The following INPP4B variants were observed in gnomAD, a reference collection of about 807,000 sequenced individuals.
INPP4B encodes inositol polyphosphate-4-phosphatase type II B.
In INPP4B, 55 loss-of-function variants were observed where a neutral mutation model predicts 122.5. That is an observed-to-expected ratio of 0.45 (90% CI 0.36 to 0.56). The LOEUF (loss-of-function observed/expected upper bound fraction) is 0.56, where lower values mean the gene tolerates loss of function less well. INPP4B is among the 20% of genes least tolerant of loss of function. INPP4B has a pLI of 0.00. For missense variants in INPP4B, 1,000 were observed against 1,097.7 expected (o/e 0.91, Z 1.26); for synonymous variants, 403 against 388.7 (o/e 1.04, Z -0.43).
intron 2 of INPP4B, among the ~76,000 whole-genome samples, chr4:142,663,370 AATTTC>A (rs1179891740): frequency 6.6e-6 from 1 of 152,200 alleles, no homozygotes; most frequent in African/African-American, 2.4e-5. Flanking sequence ...ATAATAAATT[AATTTC>A]ATTTATCTTT....
rs1261267495 is a variant in INPP4B, at chr4:142,081,957, G to A, written c.2642+74C>T. ...AATATTTAGTCCTCCAATAAAATAT[G>A]TATTTTGAAAAAAAAAATAAAAACA... On this transcript the variant is annotated intron_variant, in intron 25 of 25. Transcript: ENST00000262992. 8 of 1,062,296 alleles carry A rather than the reference G, an allele frequency of 7.5e-6. No individual in the cohort carries two copies. The African/African-American group carries it at 8.0e-5, about 11-fold the overall frequency. 65.8% of individuals were successfully genotyped at this position (1,062,296 alleles called of 1,614,324 possible).
At chr4:142,661,842 A>G (rs1755225280) in intron 2 of INPP4B, among the ~76,000 whole-genome samples, 1 of 152,220 alleles carries the variant, frequency 6.6e-6, no homozygotes. Flanking sequence ...TAGTAGATGC[A>G]TATGGAGCTC....
chr4:142,379,352 GC>G (rs1007168298), intron 7 of INPP4B, among the ~76,000 whole-genome samples: 3 of 152,142 alleles, frequency 2.0e-5, no homozygotes, highest in Non-Finnish European at 2.9e-5. Flanking sequence ...TTCAAAGAGA[GC>G]TTTACTTAAT....
At chr4:142,552,013 C>T (rs889507430) in intron 2 of INPP4B, among the ~76,000 whole-genome samples, 2 of 152,046 alleles carry the variant, frequency 1.3e-5, no homozygotes, top group Non-Finnish European at 2.9e-5. Context: ...TGTCAAGTGG[C>T]GGGGGACCTA....
At chr4:142,731,308 A>T (rs1036053586) in intron 1 of INPP4B, among the ~76,000 whole-genome samples, 2 of 152,240 alleles carry the variant, frequency 1.3e-5, no homozygotes, top group East Asian at 3.8e-4. Context: ...GTTTGGAAAT[A>T]TATCTAAATG....
rs75737587 is a variant in INPP4B, at chr4:142,482,031, G to T, written c.-190-19305C>A. On this transcript the variant is annotated intron_variant, in intron 2 of 25. Transcript: ENST00000262992. ...ATGAATAGAGAGCAGGACTTCCTGGGAACCAACAGTCTCTTTCCCATAAGG... is the reference window on the plus strand; with the variant it reads ...ATGAATAGAGAGCAGGACTTCCTGGTAACCAACAGTCTCTTTCCCATAAGG... 7.0e-3 allele frequency among the ~76,000 whole-genome samples: 1,062 copies of T among 152,226 alleles called. 15 individuals carry two copies. Among genetic ancestry groups the T allele is most frequent in the African/African-American group, 0.024 (1,007 of 41,546 alleles).
At chr4:142,553,103 T>C (rs1408002727) in intron 2 of INPP4B, among the ~76,000 whole-genome samples, 1 of 152,196 alleles carries the variant, frequency 6.6e-6, no homozygotes, top group East Asian at 1.9e-4. Flanking sequence ...TGGTTTCTGT[T>C]CTGTTTTTCT....
At chr4:142,692,316 A>C (rs1003194325) in intron 2 of INPP4B, among the ~76,000 whole-genome samples, 35 of 152,204 alleles carry the variant, frequency 2.3e-4, no homozygotes, top group African/African-American at 8.4e-4. Flanking sequence ...AGAGAATATT[A>C]ATAGGAAGTA....
rs778422193 is a variant in INPP4B, at chr4:142,260,569, GA to G, written c.616-6del. 12 of 1,437,830 alleles carry G rather than the reference GA, an allele frequency of 8.3e-6. No homozygotes were observed. Among genetic ancestry groups the G allele is most frequent in the South Asian group, 4.3e-5 (3 of 69,074 alleles). The allele number at this position is 1,437,830 out of a possible 1,614,324, so 89.1% of individuals were successfully genotyped here. ...ACATTCACATACCAGGGCACACTAGGAAAAAATGTAAAAAAAAAAAAAAAAT... is the reference window on the plus strand; with the variant it reads ...ACATTCACATACCAGGGCACACTAGGAAAAATGTAAAAAAAAAAAAAAAAT... On this transcript the variant is annotated splice_region_variant and splice_polypyrimidine_tract_variant and intron_variant, in intron 10 of 25. Coordinates refer to ENST00000262992, the MANE Select transcript of INPP4B (RefSeq NM_001101669.3).
Position 142,807,041 on chromosome 4 carries a change from G to C in INPP4B, c.-254+39168C>G, listed in dbSNP as rs566795817. 5.3e-4 allele frequency among the ~76,000 whole-genome samples: 80 copies of C among 152,250 alleles called. 1 individual carries two copies. Among genetic ancestry groups the C allele is most frequent in the African/African-American group, 1.8e-3 (75 of 41,560 alleles). On this transcript the variant is annotated intron_variant, in intron 1 of 25. Coordinates refer to ENST00000262992, the MANE Select transcript of INPP4B (RefSeq NM_001101669.3). Reference sequence around the variant, plus strand: ...GCTACATGATTGTGATGTTACATGAGCTGTTCCTTTTGCTTTGCTATAAAT... The same window carrying C: ...GCTACATGATTGTGATGTTACATGACCTGTTCCTTTTGCTTTGCTATAAAT...
At chr4:142,199,039 C>A (rs548199566) in intron 14 of INPP4B, among the ~76,000 whole-genome samples, 37 of 152,078 alleles carry the variant, frequency 2.4e-4, no homozygotes, top group South Asian at 1.7e-3. Context: ...AAATTCATAT[C>A]TTTATCAGAG....
chr4:142,328,013 C>A (rs1773078708), intron 7 of INPP4B, among the ~76,000 whole-genome samples: 1 of 152,182 alleles, frequency 6.6e-6, no homozygotes, highest in African/African-American at 2.4e-5. Context: ...AGCAAAGATC[C>A]CAGTTTTCCT....
At chr4:142,037,408 T>G (rs2152310414) in intron 25 of INPP4B, among the ~76,000 whole-genome samples, 1 of 152,244 alleles carries the variant, frequency 6.6e-6, no homozygotes, top group East Asian at 1.9e-4. Context: ...CACTCTGACT[T>G]CTAAAAATAA....
chr4:142,460,781 G>C (rs17016163), intron 3 of INPP4B, among the ~76,000 whole-genome samples: 36,335 of 151,748 alleles, frequency 0.24, 4,954 homozygotes, highest in East Asian at 0.45. Context: ...GATGCCCTTT[G>C]CAACACATAT....
chr4:142,771,790 C>A (rs1193079708), intron 1 of INPP4B, among the ~76,000 whole-genome samples: 1 of 152,108 alleles, frequency 6.6e-6, no homozygotes, highest in East Asian at 1.9e-4. Flanking sequence ...CAGTATTCTG[C>A]AAGGATTACT....
chr4:142,723,407 C>G (rs984884610), intron 2 of INPP4B, among the ~76,000 whole-genome samples: 85 of 151,994 alleles, frequency 5.6e-4, no homozygotes, highest in Admixed American at 3.9e-3. Context: ...GTAATCCTAC[C>G]ATGGTATACC....
intron 1 of INPP4B, among the ~76,000 whole-genome samples, chr4:142,780,784 T>TG (rs1209336164): frequency 2.0e-5 from 3 of 151,968 alleles, no homozygotes; most frequent in Non-Finnish European, 4.4e-5. Context: ...GGTGACAGAG[T>TG]GAAACACCGT....
chr4:142,701,840 G>A (rs2150760399), intron 2 of INPP4B, among the ~76,000 whole-genome samples: 1 of 152,232 alleles, frequency 6.6e-6, no homozygotes, highest in East Asian at 1.9e-4. Flanking sequence ...GTGAACTACA[G>A]AAGTTTCTCA....
intron 7 of INPP4B, among the ~76,000 whole-genome samples, chr4:142,328,694 G>A (rs1052586708): frequency 2.0e-5 from 3 of 151,974 alleles, no homozygotes; most frequent in African/African-American, 7.3e-5. Flanking sequence ...CATATAATGA[G>A]TTTATTATTT....
Sources: gnomAD v4.1 joint callset for allele counts (sites outside exome capture counted in the v4.1 genomes callset) on GRCh38, gnomAD v4.1.1 for gene constraint, MANE v1.5 for transcripts, NCBI Gene and HGNC (gene_info 2026-07-23, HGNC 2026-07-21) for gene names.